GDA: variants seen among roughly 807,000 people sequenced by gnomAD.
GDA encodes the protein cytoplasmic PSD-95 interactor.
GDA carries 18 observed loss-of-function variants against 59.6 expected under a neutral mutation model. The ratio of observed to expected loss-of-function variants is 0.30; its 90% confidence interval spans 0.21 to 0.45. The LOEUF is 0.45. GDA is among the 20% of genes least tolerant of loss of function. The pLI is 1.00. For missense variants in GDA, 427 were observed against 552.3 expected (o/e 0.77, Z 2.27); for synonymous variants, 201 against 201.1 (o/e 1.00, Z 0.00).
At position 72,210,742 on chromosome 9, in the gene GDA, C is replaced by G. The variant is rs772769043; in HGVS notation, c.440C>G (p.Thr147Ser). 5.0e-6 allele frequency: 8 copies of G among 1,610,736 alleles called. No individual in the cohort carries two copies. The highest frequency in any genetic ancestry group is 1.6e-4 in the Middle Eastern group (1 of 6,080). ...TTACYFATIH[T>S]DSSLLLADIT... is the part of the protein sequence containing the mutation. ...GCTTGTTACTTTGCAACAATTCACA[C>G]TGACTCATCTCTGCTCCTTGCCGAC... The change falls in exon 4 of 14, where the codon ACT becomes AGT. Residue 147 changes from threonine to serine, a missense_variant. By Grantham distance (58) the Thr-to-Ser change is moderately conservative. Coordinates refer to ENST00000358399, the MANE Select transcript of GDA (RefSeq NM_004293.5).
intron 2 of GDA, among the ~76,000 whole-genome samples, chr9:72,196,205 G>C (rs1023360557): frequency 6.6e-6 from 1 of 151,924 alleles, no homozygotes; most frequent in Non-Finnish European, 1.5e-5. Context: ...GGCCAGCCAG[G>C]CATGGTGTCT....
At chr9:72,190,289 G>A (rs1048642609) in intron 1 of GDA, among the ~76,000 whole-genome samples, 20 of 152,050 alleles carry the variant, frequency 1.3e-4, no homozygotes, top group African/African-American at 4.8e-4. Flanking sequence ...ACCACGCCTG[G>A]CTAATTTTTG....
At chr9:72,197,884 T>G (rs1288313481) in intron 2 of GDA, among the ~76,000 whole-genome samples, 2 of 152,094 alleles carry the variant, frequency 1.3e-5, no homozygotes, top group Non-Finnish European at 2.9e-5. Context: ...ACTGTCTGGA[T>G]TTTTAGAAAA....
chr9:72,150,826 A>G (rs1346110207), intron 1 of GDA, among the ~76,000 whole-genome samples: 1 of 152,140 alleles, frequency 6.6e-6, no homozygotes. Context: ...TGTGTTTCCA[A>G]GGTGATAAAA....
chr9:72,203,028 G>GA (rs1376767779), intron 3 of GDA, among the ~76,000 whole-genome samples: 1 of 152,168 alleles, frequency 6.6e-6, no homozygotes, highest in Non-Finnish European at 1.5e-5. Flanking sequence ...TGGGTTTAAT[G>GA]AATATGTGTA....
At chr9:72,118,463 T>A (rs1296675971) in intron 1 of GDA, among the ~76,000 whole-genome samples, 1 of 152,052 alleles carries the variant, frequency 6.6e-6, no homozygotes, top group African/African-American at 2.4e-5. Context: ...AACTCTAAAG[T>A]CACACTATAA....
At chr9:72,187,731 G>T (rs1364661699) in intron 1 of GDA, among the ~76,000 whole-genome samples, 1 of 152,174 alleles carries the variant, frequency 6.6e-6, no homozygotes, top group Non-Finnish European at 1.5e-5. Context: ...TCTGGTGAAG[G>T]CTCAGAAGAA....
At chr9:72,191,833 C>T (rs1832596438) in intron 1 of GDA, among the ~76,000 whole-genome samples, 1 of 152,042 alleles carries the variant, frequency 6.6e-6, no homozygotes, top group African/African-American at 2.4e-5. Flanking sequence ...GGTGATCCAC[C>T]CACCTCGGCC....
intron 1 of GDA, among the ~76,000 whole-genome samples, chr9:72,193,450 G>T (rs988572354): frequency 6.6e-6 from 1 of 152,234 alleles, no homozygotes; most frequent in African/African-American, 2.4e-5. Flanking sequence ...AAAGACTCTT[G>T]TTCTCTTCCC....
At chr9:72,196,455 C>G (rs947512254) in intron 2 of GDA, among the ~76,000 whole-genome samples, 10 of 148,772 alleles carry the variant, frequency 6.7e-5, no homozygotes, top group Non-Finnish European at 1.0e-4. Context: ...CCACTTCACT[C>G]TAGCCTGGGT....
chr9:72,242,836 A>G (rs1179059605), intron 11 of GDA, among the ~76,000 whole-genome samples: 10 of 152,180 alleles, frequency 6.6e-5, no homozygotes, highest in Non-Finnish European at 1.5e-4. Context: ...TTATTCTACC[A>G]TCTATGTTTG....
At chr9:72,152,262 C>T (rs962117221) in intron 1 of GDA, among the ~76,000 whole-genome samples, 5 of 152,176 alleles carry the variant, frequency 3.3e-5, no homozygotes, top group East Asian at 3.9e-4. Context: ...CTTCTGGTCT[C>T]GCTTTTAAAC....
chr9:72,141,549 G>T (rs1446041829), intron 1 of GDA, among the ~76,000 whole-genome samples: 5 of 152,002 alleles, frequency 3.3e-5, no homozygotes, highest in African/African-American at 1.2e-4. Flanking sequence ...ATCTAAAGAG[G>T]CACTAATTGT....
intron 1 of GDA, among the ~76,000 whole-genome samples, chr9:72,180,059 G>GT (rs1212908601): frequency 1.3e-5 from 2 of 151,890 alleles, no homozygotes; most frequent in African/African-American, 4.8e-5. Context: ...CAGATTTCAA[G>GT]TTTTTTTAAA....
At position 72,196,506 on chromosome 9, in the gene GDA, A is replaced by T. The variant is rs200460618; in HGVS notation, c.212+918A>T. On this transcript the variant is annotated intron_variant, in intron 2 of 13. Transcript: ENST00000358399. Reference sequence around the variant, plus strand: ...TGTTAAAAAAAAAAAAAAAAAGCTCAGTTTCCTCATAGCCTGGTTGATATG... The same window carrying T: ...TGTTAAAAAAAAAAAAAAAAAGCTCTGTTTCCTCATAGCCTGGTTGATATG... 2.6e-5 allele frequency among the ~76,000 whole-genome samples: 4 copies of T among 151,056 alleles called. No homozygotes were observed. In the East Asian group the frequency reaches 7.7e-4, roughly 29 times the overall value.
chr9:72,235,813 G>T (rs909069039), intron 10 of GDA, among the ~76,000 whole-genome samples: 1 of 152,000 alleles, frequency 6.6e-6, no homozygotes, highest in East Asian at 1.9e-4. Context: ...TACCTCCTAT[G>T]TGAAATATGA....
chr9:72,138,340 G>A (rs1000436857), intron 1 of GDA, among the ~76,000 whole-genome samples: 3 of 152,150 alleles, frequency 2.0e-5, no homozygotes, highest in Admixed American at 6.5e-5. Context: ...GCTAGAAAGG[G>A]AGCTGGAACT....
intron 1 of GDA, among the ~76,000 whole-genome samples, chr9:72,119,722 T>C (rs1464682217): frequency 1.3e-5 from 2 of 152,162 alleles, no homozygotes; most frequent in African/African-American, 4.8e-5. Flanking sequence ...AAAATTCTTT[T>C]CATTTGATTA....
chr9:72,222,170 T>C (rs962425112), intron 6 of GDA, among the ~76,000 whole-genome samples: 9 of 152,212 alleles, frequency 5.9e-5, no homozygotes, highest in African/African-American at 2.2e-4. Flanking sequence ...ATTTACACTC[T>C]TACCAACAGT....
Sources: allele counts gnomAD v4.1 joint callset (sites outside exome capture counted in the v4.1 genomes callset), GRCh38; gene constraint gnomAD v4.1.1; transcripts MANE v1.5; gene names NCBI Gene and HGNC (gene_info 2026-07-23, HGNC 2026-07-21).